Variants in GRB10 observed in about 807,000 individuals in gnomAD.
GRB10 encodes growth factor receptor-bound protein 10.
Under a neutral mutation model 80.9 loss-of-function variants are expected in GRB10, and 20 were observed. The ratio of observed to expected loss-of-function variants is 0.25; its 90% confidence interval spans 0.17 to 0.36. The LOEUF (loss-of-function observed/expected upper bound fraction) is 0.36, where lower values mean the gene tolerates loss of function less well. Ranked by LOEUF, GRB10 falls within the 10% of genes least tolerant of loss-of-function variation. The pLI is 1.00. For missense variants in GRB10, 548 were observed against 747.7 expected (o/e 0.73, Z 3.12); for synonymous variants, 291 against 291.5 (o/e 1.00, Z 0.02).
At chr7:50,660,890 C>A (rs988298374) in intron 7 of GRB10, among the ~76,000 whole-genome samples, 1 of 152,176 alleles carries the variant, frequency 6.6e-6, no homozygotes, top group African/African-American at 2.4e-5. Context: ...GCAGCCAGCA[C>A]CCCTCAGGGT....
intron 7 of GRB10, among the ~76,000 whole-genome samples, chr7:50,647,982 G>A (rs1002790774): frequency 1.3e-5 from 2 of 152,196 alleles, no homozygotes; most frequent in African/African-American, 4.8e-5. Flanking sequence ...TGCGTTGGCA[G>A]TGTCTTTTAA....
intron 18 of GRB10, among the ~76,000 whole-genome samples, chr7:50,593,978 CTTTCT>C (rs199800086): frequency 1.4e-4 from 15 of 111,034 alleles, no homozygotes; most frequent in Non-Finnish European, 1.1e-4. Context: ...AGCCCCCTTT[CTTTCT>C]TTTTTTTTTT....
rs778877926 is a variant in GRB10 at position 50,669,759 on chromosome 7, G to A, written c.467C>T (p.Pro156Leu). The change falls in exon 7 of 19, where the codon CCG becomes CTG. Residue 156 changes from proline to leucine, a missense_variant. Transcript: ENST00000401949. ...GGCCTGGCTCGGAGGTAAAGAACCC[G>A]GCGTGAGCACAGGGGGGCTCCCAGG... ...CGPGSPPVLT[P>L]GSLPPSQAAA... The A allele has an allele frequency of 2.1e-5, 34 of 1,613,656 alleles. No homozygotes were observed. The highest frequency in any genetic ancestry group is 1.3e-4 in the African/African-American group (10 of 74,922).
Position 50,687,531 on chromosome 7 carries a change from C to T in GRB10, c.140-12873G>A, listed in dbSNP as rs556948479. Among the ~76,000 whole-genome samples, 192 of 152,202 alleles carry T rather than the reference C, an allele frequency of 1.3e-3. 1 individual carries two copies. Among genetic ancestry groups the T allele is most frequent in the African/African-American group, 4.5e-3 (186 of 41,520 alleles). On this transcript the variant is annotated intron_variant, in intron 5 of 18. Transcript: ENST00000401949. Reference sequence around the variant, plus strand: ...ACCCCAGCCACCTCTTGCATGCACGCTTCCCACATAAGCCCAAGCCTTTCA... The same window carrying T: ...ACCCCAGCCACCTCTTGCATGCACGTTTCCCACATAAGCCCAAGCCTTTCA...
chr7:50,735,340 C>A (rs56118724), intron 3 of GRB10, among the ~76,000 whole-genome samples: 12,786 of 152,190 alleles, frequency 0.084, 924 homozygotes, highest in Admixed American at 0.19. Flanking sequence ...GTTGGAGGAA[C>A]TAATATTGTT....
At chr7:50,651,437 T>C (rs995121618) in intron 7 of GRB10, among the ~76,000 whole-genome samples, 1 of 152,220 alleles carries the variant, frequency 6.6e-6, no homozygotes, top group Non-Finnish European at 1.5e-5. Context: ...TCGTCCCGTG[T>C]CTATTTGTGT....
At chr7:50,609,000 T>C (rs919515931) in intron 13 of GRB10, among the ~76,000 whole-genome samples, 12 of 146,056 alleles carry the variant, frequency 8.2e-5, no homozygotes, top group African/African-American at 3.0e-4. Flanking sequence ...ATATCTAGGG[T>C]AACCAGGAGA....
At chr7:50,761,179 G>A (rs1177895311) in intron 2 of GRB10, among the ~76,000 whole-genome samples, 2 of 152,230 alleles carry the variant, frequency 1.3e-5, no homozygotes, top group African/African-American at 2.4e-5. Context: ...ATGGCAGAGC[G>A]AAGATGCAAG....
intron 7 of GRB10, among the ~76,000 whole-genome samples, chr7:50,646,277 G>A (rs1034892927): frequency 3.3e-5 from 5 of 152,154 alleles, no homozygotes; most frequent in Admixed American, 6.5e-5. Flanking sequence ...TCCGGGAGCT[G>A]TTCATCAAAA....
intron 7 of GRB10, among the ~76,000 whole-genome samples, chr7:50,629,427 T>C (rs2053583721): frequency 6.6e-6 from 1 of 152,164 alleles, no homozygotes; most frequent in African/African-American, 2.4e-5. Context: ...GAGGCTGGGC[T>C]GGCGAGACCC....
At chr7:50,733,409 C>G (rs184140916) in intron 3 of GRB10, among the ~76,000 whole-genome samples, 1 of 152,156 alleles carries the variant, frequency 6.6e-6, no homozygotes, top group South Asian at 2.1e-4. Flanking sequence ...TATAAAATCA[C>G]TAGGGAATTC....
At chr7:50,620,552 G>T (rs2051517541) in intron 8 of GRB10, among the ~76,000 whole-genome samples, 1 of 152,164 alleles carries the variant, frequency 6.6e-6, no homozygotes, top group Non-Finnish European at 1.5e-5. Context: ...TACAAGGAAA[G>T]GATTCCTTGG....
rs776688706 is a variant in GRB10 at position 50,604,389 on chromosome 7, A to ATCCCACATTAG, written c.1390-23_1390-13dup. The stretch of plus-strand genomic sequence containing the variant: ...CGTGTGCTTCGCTTCTGCAAAAGAA[A>ATCCCACATTAG]TCCCACATTAGCACCGAGGACAGCA... On this transcript the variant is annotated splice_polypyrimidine_tract_variant and intron_variant, in intron 15 of 18. Transcript: ENST00000401949. 1.1e-5 allele frequency: 17 copies of ATCCCACATTAG among 1,609,000 alleles called. No individual in the cohort carries two copies. Among genetic ancestry groups the ATCCCACATTAG allele is most frequent in the Non-Finnish European group, 1.4e-5 (17 of 1,176,536 alleles).
chr7:50,769,077 T>C (rs1401673004), intron 2 of GRB10, among the ~76,000 whole-genome samples: 1 of 152,144 alleles, frequency 6.6e-6, no homozygotes, highest in Non-Finnish European at 1.5e-5. Flanking sequence ...TCTTAAAGCA[T>C]CCACTACTCC....
At chr7:50,650,136 G>A (rs754012517) in intron 7 of GRB10, among the ~76,000 whole-genome samples, 6 of 152,230 alleles carry the variant, frequency 3.9e-5, no homozygotes, top group Non-Finnish European at 2.9e-5. Context: ...TGAAGGAGCA[G>A]AGAGATGAAG....
chr7:50,683,707 A>C lies in GRB10; in HGVS notation c.140-9049T>G, dbSNP rs558372823. Among the ~76,000 whole-genome samples, 10 of 152,228 alleles carry C rather than the reference A, an allele frequency of 6.6e-5. No individual in the cohort carries two copies. The South Asian group carries it at 1.9e-3, about 28-fold the overall frequency. ...AGCTGAGATCATGCCACTGCATTCCAGCCTGGGTGACAGAGCGAGACTCCA... is the reference window on the plus strand; with the variant it reads ...AGCTGAGATCATGCCACTGCATTCCCGCCTGGGTGACAGAGCGAGACTCCA... On this transcript the variant is annotated intron_variant, in intron 5 of 18. Coordinates refer to ENST00000401949, the MANE Select transcript of GRB10 (RefSeq NM_001350814.2).
At chr7:50,752,072 C>T (rs2074197980) in intron 3 of GRB10, among the ~76,000 whole-genome samples, 1 of 152,182 alleles carries the variant, frequency 6.6e-6, no homozygotes, top group Admixed American at 6.5e-5. Flanking sequence ...CCAGCGCAAT[C>T]CAGTGGGGAG....
intron 2 of GRB10, among the ~76,000 whole-genome samples, chr7:50,767,401 T>G (rs954039241): frequency 6.6e-6 from 1 of 152,102 alleles, no homozygotes; most frequent in Non-Finnish European, 1.5e-5. Context: ...TGTTGTTTCC[T>G]GCCTCCAAAT....
intron 1 of GRB10, among the ~76,000 whole-genome samples, chr7:50,788,499 C>T (rs2078786844): frequency 6.6e-6 from 1 of 152,134 alleles, no homozygotes; most frequent in Admixed American, 6.5e-5. Context: ...GAGCAGTCCC[C>T]AACGCAGTGC....
Sources: gnomAD v4.1 joint callset for allele counts (sites outside exome capture counted in the v4.1 genomes callset) on GRCh38, gnomAD v4.1.1 for gene constraint, MANE v1.5 for transcripts, NCBI Gene and HGNC (gene_info 2026-07-23, HGNC 2026-07-21) for gene names.